Variants in VWA8 observed in about 807,000 individuals in gnomAD.
VWA8 encodes the protein von Willebrand factor A domain-containing protein 8.
A neutral mutation model predicts 241.5 loss-of-function variants in VWA8; 221 were observed. That is an observed-to-expected ratio of 0.91 (90% CI 0.82 to 1.02). The LOEUF (loss-of-function observed/expected upper bound fraction) is 1.02. Among genes scored for constraint, VWA8 ranks in the 50% least tolerant of loss-of-function variants. The pLI, the probability that VWA8 is intolerant of heterozygous loss-of-function variation, is 0.00. For missense variants in VWA8, 2,322 were observed against 2,328.7 expected (o/e 1.00, Z 0.06); for synonymous variants, 852 against 827.1 (o/e 1.03, Z -0.52).
intron 2 of VWA8, among the ~76,000 whole-genome samples, chr13:41,922,510 G>C (rs889723904): frequency 1.3e-5 from 2 of 152,000 alleles, no homozygotes; most frequent in African/African-American, 2.4e-5. Flanking sequence ...CTACAGAATG[G>C]GAGAAAATTT....
At chr13:41,669,278 C>T (rs2045006696) in intron 37 of VWA8, among the ~76,000 whole-genome samples, 1 of 152,214 alleles carries the variant, frequency 6.6e-6, no homozygotes, top group Non-Finnish European at 1.5e-5. Context: ...CTGTTCATTT[C>T]TAACTTAATA....
intron 37 of VWA8, among the ~76,000 whole-genome samples, chr13:41,635,906 C>T (rs1019615734): frequency 1.3e-5 from 2 of 152,086 alleles, no homozygotes; most frequent in African/African-American, 4.8e-5. Context: ...TAAGTGATAG[C>T]TTATTAATCC....
At chr13:41,886,695 T>G (rs1405149872) in intron 7 of VWA8, 86 bp downstream of exon 7, 2 of 1,115,386 alleles carry the variant, frequency 1.8e-6, no homozygotes. Flanking sequence ...AGTTGTTGAA[T>G]GACTGAATTA....
intron 37 of VWA8, among the ~76,000 whole-genome samples, chr13:41,651,662 G>A (rs549748191): frequency 6.6e-6 from 1 of 152,258 alleles, no homozygotes; most frequent in South Asian, 2.1e-4. Flanking sequence ...ATTTTCATAT[G>A]CCATGAAATA....
intron 20 of VWA8, 31 bp downstream of exon 20, chr13:41,777,954 C>A (rs762308247): frequency 2.6e-6 from 4 of 1,552,434 alleles, no homozygotes; most frequent in Admixed American, 1.9e-5. Context: ...ATCATTTTTT[C>A]ATTGGTACCT....
chr13:41,725,624 G>A (rs1326868062), intron 24 of VWA8, among the ~76,000 whole-genome samples: 2 of 152,078 alleles, frequency 1.3e-5, no homozygotes, highest in African/African-American at 2.4e-5. Context: ...GATGAATAGG[G>A]GTAGATGACA....
chr13:41,812,089 A>G (rs1302757731), intron 16 of VWA8, among the ~76,000 whole-genome samples: 1 of 152,124 alleles, frequency 6.6e-6, no homozygotes, highest in African/African-American at 2.4e-5. Flanking sequence ...CAGTTCCCTC[A>G]ACTTTAAAAT....
chr13:41,689,108 T>C (rs78405002), intron 34 of VWA8, among the ~76,000 whole-genome samples: 115 of 152,224 alleles, frequency 7.6e-4, no homozygotes, highest in Middle Eastern at 3.4e-3. Flanking sequence ...CCCCCACATA[T>C]GGAGAATACT....
intron 13 of VWA8, among the ~76,000 whole-genome samples, chr13:41,831,148 T>A (rs974310034): frequency 6.6e-6 from 1 of 152,216 alleles, no homozygotes; most frequent in African/African-American, 2.4e-5. Context: ...ACATCACACA[T>A]AGCATAGTCT....
intron 21 of VWA8, among the ~76,000 whole-genome samples, chr13:41,742,880 T>G (rs2045578884): frequency 6.6e-6 from 1 of 152,200 alleles, no homozygotes; most frequent in African/African-American, 2.4e-5. Context: ...GCACCCCACT[T>G]TATGCTTATG....
intron 21 of VWA8, among the ~76,000 whole-genome samples, chr13:41,758,100 A>G (rs1160213202): frequency 1.3e-5 from 2 of 151,270 alleles, no homozygotes; most frequent in African/African-American, 4.8e-5. Flanking sequence ...ATGTTGAGGT[A>G]GATGAAGATA....
intron 37 of VWA8, among the ~76,000 whole-genome samples, chr13:41,668,011 A>C (rs1444562687): frequency 6.6e-6 from 1 of 152,266 alleles, no homozygotes; most frequent in Non-Finnish European, 1.5e-5. Flanking sequence ...AAATTCATTA[A>C]ACAAAAACAA....
chr13:41,754,236 G>A (rs897370530), intron 21 of VWA8, among the ~76,000 whole-genome samples: 17 of 152,056 alleles, frequency 1.1e-4, no homozygotes, highest in African/African-American at 4.1e-4. Flanking sequence ...CATGGTGGCA[G>A]GTCTTTCCTG....
intron 37 of VWA8, among the ~76,000 whole-genome samples, chr13:41,652,423 C>T (rs1310289380): frequency 6.6e-6 from 1 of 152,036 alleles, no homozygotes; most frequent in African/African-American, 2.4e-5. Context: ...ATATATACAC[C>T]TGAAATGGTG....
Position 41,667,029 on chromosome 13 carries a change from G to A in VWA8, c.4611+3917C>T, listed in dbSNP as rs115224259. On this transcript the variant is annotated intron_variant, in intron 37 of 44. Transcript: ENST00000379310. ...TTTCAGAGTTATTGATCAAAGTAAA[G>A]AATGATGTATAAGAGTAAACTATGC... is the stretch of plus-strand genomic sequence containing the variant. Among the ~76,000 whole-genome samples, 594 of 152,214 alleles carry A rather than the reference G, an allele frequency of 3.9e-3. 7 individuals are homozygous for A. Among genetic ancestry groups the A allele is most frequent in the African/African-American group, 0.013 (535 of 41,526 alleles).
rs1555303579 is a variant in VWA8, at chr13:41,573,484, A to AAAAAT, written c.5370+2255_5370+2256insATTTT. On this transcript the variant is annotated intron_variant, in intron 43 of 44. Transcript: ENST00000379310. ...AGGGTGGCTATAGTTTAAAAAAAAA[A>AAAAAT]AAATATATATATATATATATATACC... Among the ~76,000 whole-genome samples, 57 of 117,012 alleles carry AAAAAT rather than the reference A, an allele frequency of 4.9e-4. 1 individual carries two copies. The highest frequency in any genetic ancestry group is 4.5e-3 in the Middle Eastern group (1 of 220). 76.8% of individuals were successfully genotyped at this position (117,012 alleles called of 152,430 possible).
intron 37 of VWA8, among the ~76,000 whole-genome samples, chr13:41,657,431 G>C (rs12866939): frequency 0.019 from 2,879 of 151,448 alleles, 53 homozygotes; most frequent in African/African-American, 0.051. Flanking sequence ...AATAAATCTG[G>C]AATCACATAA....
At chr13:41,864,192 T>A (rs1047813128) in intron 12 of VWA8, among the ~76,000 whole-genome samples, 1 of 151,250 alleles carries the variant, frequency 6.6e-6, no homozygotes, top group African/African-American at 2.4e-5. Context: ...TGTAGAATAA[T>A]TGGAACCATT....
At chr13:41,854,445 T>C (rs1196037960) in intron 12 of VWA8, among the ~76,000 whole-genome samples, 1 of 139,950 alleles carries the variant, frequency 7.1e-6, no homozygotes, top group Non-Finnish European at 1.6e-5. Flanking sequence ...TTAAAAATAT[T>C]TCAAAATATT....
Sources: gnomAD v4.1 joint callset for allele counts (sites outside exome capture counted in the v4.1 genomes callset) on GRCh38, gnomAD v4.1.1 for gene constraint, MANE v1.5 for transcripts, NCBI Gene and HGNC (gene_info 2026-07-23, HGNC 2026-07-21) for gene names.